Variants in MYO3A observed in about 807,000 individuals in gnomAD.
MYO3A encodes the protein myosin-IIIa.
MYO3A carries 180 observed loss-of-function variants against 192.7 expected under a neutral mutation model. That is an observed-to-expected ratio of 0.93 (90% CI 0.83 to 1.06). The LOEUF is 1.06. Ranked by LOEUF, MYO3A falls within the 50% of genes least tolerant of loss-of-function variation. The pLI, the probability that MYO3A is intolerant of heterozygous loss-of-function variation, is 0.00. For missense variants in MYO3A, 1,896 were observed against 1,905.0 expected (o/e 1.00, Z 0.09); for synonymous variants, 628 against 645.3 (o/e 0.97, Z 0.41).
intron 22 of MYO3A, among the ~76,000 whole-genome samples, chr10:26,146,402 C>T (rs1306688741): frequency 6.6e-6 from 1 of 152,148 alleles, no homozygotes; most frequent in African/African-American, 2.4e-5. Context: ...ACAAAAATAT[C>T]ACAGGCTGCA....
chr10:26,124,872 C>T (rs1490524500), intron 18 of MYO3A, among the ~76,000 whole-genome samples: 3 of 152,148 alleles, frequency 2.0e-5, no homozygotes, highest in Admixed American at 1.3e-4. Flanking sequence ...ATGATATGTA[C>T]ATGAATGTCA....
intron 10 of MYO3A, among the ~76,000 whole-genome samples, chr10:26,032,889 C>A (rs1440956472): frequency 3.3e-5 from 5 of 152,082 alleles, no homozygotes; most frequent in Non-Finnish European, 7.4e-5. Context: ...GAGAATTATT[C>A]ACCCTTTGGA....
intron 17 of MYO3A, among the ~76,000 whole-genome samples, chr10:26,117,481 T>A (rs1267505509): frequency 1.3e-5 from 2 of 152,152 alleles, no homozygotes; most frequent in Non-Finnish European, 2.9e-5. Flanking sequence ...TCCTACCCTG[T>A]GCCACACCTC....
chr10:26,000,346 T>C (rs563794492), intron 6 of MYO3A, among the ~76,000 whole-genome samples: 1 of 152,348 alleles, frequency 6.6e-6, no homozygotes, highest in Admixed American at 6.5e-5. Context: ...TTTTCTTTTT[T>C]TCCTGCCTGA....
chr10:26,206,428 T>C (rs1157965212), intron 34 of MYO3A, among the ~76,000 whole-genome samples: 2 of 151,066 alleles, frequency 1.3e-5, no homozygotes, highest in African/African-American at 4.9e-5. Flanking sequence ...ATCATATTTA[T>C]TTTATTTTAT....
intron 6 of MYO3A, among the ~76,000 whole-genome samples, chr10:25,999,163 G>T (rs897271052): frequency 1.3e-5 from 2 of 152,156 alleles, no homozygotes; most frequent in African/African-American, 4.8e-5. Context: ...CTCCCAAAGG[G>T]CTGGGATTAC....
At position 26,026,485 on chromosome 10, in the gene MYO3A, G is replaced by A. The variant is rs139818474; in HGVS notation, c.906G>A (p.Thr302=). The change falls in exon 10 of 35, where the codon ACG becomes ACA. Residue 302 remains threonine, a synonymous_variant. Transcript: ENST00000642920. ...GKDVMLQKQL[T]EFIGIHQCMG... ...ATGTGATGCTACAAAAACAACTAAC[G>A]GAATTCATTGGCATCCATCAATGCA... The A allele has an allele frequency of 2.2e-4, 357 of 1,613,946 alleles. No homozygotes were observed. The highest frequency in any genetic ancestry group is 2.8e-4 in the Non-Finnish European group (334 of 1,179,988).
chr10:26,142,716 T>C (rs1840234389), intron 20 of MYO3A, among the ~76,000 whole-genome samples: 3 of 152,184 alleles, frequency 2.0e-5, no homozygotes, highest in Admixed American at 2.0e-4. Context: ...ATCCACTGGT[T>C]GTTTCTATAA....
At chr10:26,065,585 CAAAAAAAAAAAAAAAA>C (rs33982842) in intron 10 of MYO3A, among the ~76,000 whole-genome samples, 5 of 23,262 alleles carry the variant, frequency 2.1e-4, no homozygotes, top group Admixed American at 2.0e-3. Flanking sequence ...ACTCCATCTC[CAAAAAAAAAAAAAAAA>C]AAAAAAAAAA....
chr10:26,143,856 A>C (rs2131848307), intron 21 of MYO3A, among the ~76,000 whole-genome samples: 1 of 152,350 alleles, frequency 6.6e-6, no homozygotes, highest in South Asian at 2.1e-4. Context: ...TCAACCATAG[A>C]ATCACAGGTT....
At chr10:26,107,757 G>T (rs1837911975) in intron 17 of MYO3A, among the ~76,000 whole-genome samples, 1 of 149,932 alleles carries the variant, frequency 6.7e-6, no homozygotes, top group South Asian at 2.1e-4. Flanking sequence ...TCTCATTTTT[G>T]CCCTTACTCT....
At position 26,212,409 on chromosome 10, in the gene MYO3A, A is replaced by G. The variant is rs1844269992; in HGVS notation, c.*446A>G. The G allele has an allele frequency of 3.5e-6, 1 of 286,910 alleles. No individual in the cohort carries two copies. Among genetic ancestry groups the G allele is most frequent in the Non-Finnish European group, 6.4e-6 (1 of 156,334 alleles). The allele number at this position is 286,910 out of a possible 1,614,324, so 17.8% of individuals were successfully genotyped here. A position where few individuals can be genotyped will look rare whatever the true frequency, so the allele number is the denominator to read the frequency against. The stretch of plus-strand genomic sequence containing the variant: ...CCAACAGAACACTTGCTAGCGGTTG[A>G]ATCTTAGAGAAAAAAGCCCGGGAGG... On this transcript the variant is annotated 3_prime_UTR_variant, in exon 35 of 35. Transcript: ENST00000642920.
At chr10:26,117,916 G>A (rs767962754) in intron 17 of MYO3A, among the ~76,000 whole-genome samples, 3 of 152,230 alleles carry the variant, frequency 2.0e-5, no homozygotes, top group South Asian at 4.2e-4. Context: ...AGGAATTGCC[G>A]CACTGTCTTC....
At chr10:26,210,469 C>T (rs891192709) in intron 34 of MYO3A, among the ~76,000 whole-genome samples, 2 of 152,170 alleles carry the variant, frequency 1.3e-5, no homozygotes, top group Non-Finnish European at 2.9e-5. Context: ...GTTCTACTTC[C>T]AAGTATGACC....
At position 26,002,650 on chromosome 10, in the gene MYO3A, C is replaced by G. The variant is rs28540341; in HGVS notation, c.508+5392C>G. Among the ~76,000 whole-genome samples the G allele has an allele frequency of 1.9e-4, 24 of 124,206 alleles. 1 individual carries two copies. The highest frequency in any genetic ancestry group is 5.9e-4 in the East Asian group (3 of 5,086). 81.5% of individuals were successfully genotyped at this position (124,206 alleles called of 152,430 possible). ...GGTAATCGGAATGAGTCAGGGTGGA[C>G]CAGGTAATCGGAATGAGTCAGGGTG... On this transcript the variant is annotated intron_variant, in intron 6 of 34. Coordinates refer to ENST00000642920, the MANE Select transcript of MYO3A (RefSeq NM_017433.5).
chr10:26,087,567 A>G (rs1404548024), intron 14 of MYO3A, among the ~76,000 whole-genome samples: 2 of 152,196 alleles, frequency 1.3e-5, no homozygotes, highest in African/African-American at 2.4e-5. Flanking sequence ...TATTAACCCA[A>G]ATAAATTTCT....
intron 17 of MYO3A, among the ~76,000 whole-genome samples, chr10:26,115,871 C>T (rs1170075827): frequency 6.6e-6 from 1 of 152,172 alleles, no homozygotes; most frequent in Non-Finnish European, 1.5e-5. Flanking sequence ...AGTTGTTTTA[C>T]ATTTGAATGC....
intron 32 of MYO3A, among the ~76,000 whole-genome samples, chr10:26,199,278 C>T (rs959198797): frequency 5.3e-5 from 8 of 152,160 alleles, no homozygotes; most frequent in South Asian, 2.1e-4. Flanking sequence ...CAAGGCCACG[C>T]GCAGCGGCTC....
In MYO3A at chr10:26,018,120, A is replaced by G. The variant is rs558289359; in HGVS notation, c.585+1224A>G. Among the ~76,000 whole-genome samples the G allele has an allele frequency of 3.3e-4, 50 of 151,958 alleles. 1 individual carries two copies. Among genetic ancestry groups the G allele is most frequent in the African/African-American group, 1.2e-3 (50 of 41,506 alleles). On this transcript the variant is annotated intron_variant, in intron 7 of 34. Transcript: ENST00000642920. Reference sequence around the variant, plus strand: ...CCATTTAGTAAAAACACTTATTAATATGCAGTTACTAGACAGTAATTTTTC... The same window carrying G: ...CCATTTAGTAAAAACACTTATTAATGTGCAGTTACTAGACAGTAATTTTTC...
Sources: allele counts gnomAD v4.1 joint callset (sites outside exome capture counted in the v4.1 genomes callset), GRCh38; gene constraint gnomAD v4.1.1; transcripts MANE v1.5; gene names NCBI Gene and HGNC (gene_info 2026-07-23, HGNC 2026-07-21).